Variants in SGCZ observed in about 807,000 individuals in gnomAD.
SGCZ encodes the protein sarcoglycan zeta.
In SGCZ, 40 loss-of-function variants were observed where a neutral mutation model predicts 41.3. The ratio of observed to expected loss-of-function variants is 0.97; its 90% confidence interval spans 0.75 to 1.26. The LOEUF (loss-of-function observed/expected upper bound fraction) is 1.26. Among genes scored for constraint, SGCZ ranks in the 50% most tolerant of loss-of-function variants. The pLI, the probability that SGCZ is intolerant of heterozygous loss-of-function variation, is 0.00. For missense variants in SGCZ, 552 were observed against 369.8 expected, an observed-to-expected ratio of 1.49 and a Z score of -4.04; for synonymous variants, 206 against 137.5, an observed-to-expected ratio of 1.50 and a Z score of -3.49.
chr8:14,275,426 C>T (rs757814953), intron 3 of SGCZ, among the ~76,000 whole-genome samples: 95 of 152,222 alleles, frequency 6.2e-4, no homozygotes, highest in Non-Finnish European at 1.1e-3. Context: ...CTTCGAACAG[C>T]CCCTCCTTTC....
chr8:14,550,895 C>T (rs1411651991), intron 2 of SGCZ, among the ~76,000 whole-genome samples: 5 of 152,052 alleles, frequency 3.3e-5, no homozygotes, highest in African/African-American at 1.2e-4. Flanking sequence ...AATTCCCTTT[C>T]AATCCAAAAA....
intron 1 of SGCZ, among the ~76,000 whole-genome samples, chr8:15,020,645 T>C (rs1299500721): frequency 6.6e-6 from 1 of 152,190 alleles, no homozygotes; most frequent in Non-Finnish European, 1.5e-5. Flanking sequence ...ATAATATAAC[T>C]GGCATGCTCC....
Position 14,087,027 on chromosome 8 carries a change from A to C in SGCZ, c.*3416T>G, listed in dbSNP as rs944923109. Reference sequence around the variant, plus strand: ...GTTCACATGACTAGCCAGGGGCAGAACTAGAACTGGAATTGCTGGCTCCAT... The same window carrying C: ...GTTCACATGACTAGCCAGGGGCAGACCTAGAACTGGAATTGCTGGCTCCAT... On this transcript the variant is annotated 3_prime_UTR_variant, in exon 8 of 8. Transcript: ENST00000382080. Among the ~76,000 whole-genome samples the C allele has an allele frequency of 5.9e-5, 9 of 151,666 alleles. No homozygotes were observed. The highest frequency in any genetic ancestry group is 2.2e-4 in the African/African-American group (9 of 41,406).
intron 1 of SGCZ, among the ~76,000 whole-genome samples, chr8:14,647,202 C>T (rs1221994186): frequency 3.3e-5 from 5 of 151,952 alleles, no homozygotes; most frequent in Non-Finnish European, 7.4e-5. Context: ...AACTATATAG[C>T]TCTCTGGACT....
At chr8:14,490,148 G>A (rs948821456) in intron 2 of SGCZ, among the ~76,000 whole-genome samples, 1 of 152,110 alleles carries the variant, frequency 6.6e-6, no homozygotes. Flanking sequence ...TTACAGGTGT[G>A]AGCCACCATG....
intron 3 of SGCZ, among the ~76,000 whole-genome samples, chr8:14,311,942 G>C (rs1446879898): frequency 1.3e-5 from 2 of 152,050 alleles, no homozygotes; most frequent in African/African-American, 4.8e-5. Context: ...TTGTTCTTTG[G>C]AATAAACAAA....
intron 1 of SGCZ, among the ~76,000 whole-genome samples, chr8:14,776,299 T>C (rs1800399475): frequency 6.6e-6 from 1 of 152,038 alleles, no homozygotes; most frequent in African/African-American, 2.4e-5. Flanking sequence ...ATACTGTTAT[T>C]GTGGTAATGA....
intron 5 of SGCZ, among the ~76,000 whole-genome samples, chr8:14,121,375 G>A (rs982048139): frequency 2.0e-5 from 3 of 152,064 alleles, no homozygotes; most frequent in Non-Finnish European, 4.4e-5. Flanking sequence ...TTATAAGGGT[G>A]TTTAAAAAGT....
intron 3 of SGCZ, among the ~76,000 whole-genome samples, chr8:14,261,102 TA>T (rs67267456): frequency 5.3e-5 from 8 of 150,892 alleles, no homozygotes; most frequent in African/African-American, 1.5e-4. Flanking sequence ...TATAATAAAA[TA>T]AAAAAAAAGA....
intron 1 of SGCZ, among the ~76,000 whole-genome samples, chr8:14,577,877 GTAAA>G (rs1804763138): frequency 6.6e-6 from 1 of 152,140 alleles, no homozygotes; most frequent in African/African-American, 2.4e-5. Context: ...GCTGGACCAT[GTAAA>G]TACTCAATAA....
At chr8:14,909,995 T>G (rs1436294833) in intron 1 of SGCZ, among the ~76,000 whole-genome samples, 1 of 152,144 alleles carries the variant, frequency 6.6e-6, no homozygotes, top group African/African-American at 2.4e-5. Context: ...TCTCTCCATT[T>G]TTAATGCATT....
chr8:15,098,796 C>A lies in SGCZ; in HGVS notation c.39+138789G>T, dbSNP rs150791107. Among the ~76,000 whole-genome samples, 1,269 of 152,306 alleles carry A rather than the reference C, an allele frequency of 8.3e-3. 12 individuals carry two copies. The highest frequency in any genetic ancestry group is 0.03 in the African/African-American group (1,231 of 41,554). ...GCCTCAGTTCGGGTGCCATGGCTCA[C>A]GCCTGTAATCCCAGCACTTTGGGAG... is the stretch of plus-strand genomic sequence containing the variant. On this transcript the variant is annotated intron_variant, in intron 1 of 7. Transcript: ENST00000382080.
intron 3 of SGCZ, among the ~76,000 whole-genome samples, chr8:14,240,425 ACCG>A (rs1465966549): frequency 5.9e-5 from 9 of 151,796 alleles, no homozygotes; most frequent in African/African-American, 2.2e-4. Flanking sequence ...TTTTACTCTA[ACCG>A]CAGAGAATTT....
chr8:14,748,101 T>C (rs373034784), intron 1 of SGCZ, among the ~76,000 whole-genome samples: 1 of 152,080 alleles, frequency 6.6e-6, no homozygotes, highest in East Asian at 1.9e-4. Flanking sequence ...TCACATACGC[T>C]TCTCAAAGGC....
At chr8:14,417,047 C>T (rs375765399) in intron 2 of SGCZ, among the ~76,000 whole-genome samples, 23 of 151,706 alleles carry the variant, frequency 1.5e-4, no homozygotes, top group African/African-American at 4.6e-4. Context: ...CTTTGAAATA[C>T]CTAAAGAAGA....
intron 1 of SGCZ, among the ~76,000 whole-genome samples, chr8:14,662,745 C>T (rs1350286654): frequency 1.3e-5 from 2 of 152,096 alleles, no homozygotes; most frequent in Admixed American, 6.6e-5. Context: ...GGGAGATTAT[C>T]CTGCATTATC....
chr8:14,393,616 T>G (rs766153610), intron 2 of SGCZ, among the ~76,000 whole-genome samples: 7 of 152,134 alleles, frequency 4.6e-5, no homozygotes, highest in Non-Finnish European at 8.8e-5. Flanking sequence ...TCCTTTCCAC[T>G]GAGAGACCTT....
At chr8:14,976,085 C>T (rs560107126) in intron 1 of SGCZ, among the ~76,000 whole-genome samples, 16 of 150,330 alleles carry the variant, frequency 1.1e-4, no homozygotes, top group African/African-American at 2.4e-4. Context: ...TGCAGTGGCA[C>T]GATCTTCACT....
At chr8:14,382,610 C>T (rs1207345703) in intron 2 of SGCZ, among the ~76,000 whole-genome samples, 2 of 151,968 alleles carry the variant, frequency 1.3e-5, no homozygotes, top group Non-Finnish European at 2.9e-5. Context: ...TGGGGACGTT[C>T]GAGAATATTT....
Sources: allele counts gnomAD v4.1 joint callset (sites outside exome capture counted in the v4.1 genomes callset), GRCh38; gene constraint gnomAD v4.1.1; transcripts MANE v1.5; gene names NCBI Gene and HGNC (gene_info 2026-07-23, HGNC 2026-07-21).